The following SLC39A11 variants were observed in gnomAD, a reference collection of about 807,000 sequenced individuals.
The protein encoded by SLC39A11 is solute carrier family 39 member 11.
In SLC39A11, 33 loss-of-function variants were observed where a neutral mutation model predicts 36.1. The ratio of observed to expected loss-of-function variants is 0.91; its 90% CI spans 0.69 to 1.22. The LOEUF (loss-of-function observed/expected upper bound fraction) is 1.22. Ranked by LOEUF, SLC39A11 falls within the 50% of genes most tolerant of loss-of-function variation. SLC39A11 has a pLI of 0.00. For missense variants in SLC39A11, 432 were observed against 430.3 expected (o/e 1.00, Z -0.03); for synonymous variants, 166 against 170.3 (o/e 0.97, Z 0.20).
intron 4 of SLC39A11, among the ~76,000 whole-genome samples, chr17:73,021,951 G>T (rs761143312): frequency 2.4e-4 from 36 of 152,230 alleles, no homozygotes; most frequent in Non-Finnish European, 4.7e-4. Flanking sequence ...GTGCGTGTGT[G>T]TGTGCGCGCG....
intron 7 of SLC39A11, among the ~76,000 whole-genome samples, chr17:72,656,078 A>T (rs1316497748): frequency 6.6e-6 from 1 of 152,108 alleles, no homozygotes; most frequent in Non-Finnish European, 1.5e-5. Context: ...TTGGTGGGCC[A>T]TTCCCTCCCT....
intron 6 of SLC39A11, among the ~76,000 whole-genome samples, chr17:72,823,197 T>C (rs1172960953): frequency 6.6e-6 from 1 of 151,262 alleles, no homozygotes; most frequent in South Asian, 2.1e-4. Flanking sequence ...ACTACTTTCA[T>C]TGCAATCAGG....
chr17:72,840,546 G>A (rs1050141102), intron 6 of SLC39A11, among the ~76,000 whole-genome samples: 2 of 152,146 alleles, frequency 1.3e-5, no homozygotes, highest in Non-Finnish European at 2.9e-5. Context: ...ATCACCTGAG[G>A]TCAGGAGTTT....
chr17:72,778,563 A>C (rs898470003), intron 6 of SLC39A11, among the ~76,000 whole-genome samples: 2 of 152,256 alleles, frequency 1.3e-5, no homozygotes, highest in African/African-American at 4.8e-5. Context: ...TTTCAGAAAC[A>C]TTAATTACTG....
chr17:72,870,458 A>G (rs1359241179), intron 5 of SLC39A11, among the ~76,000 whole-genome samples: 1 of 152,198 alleles, frequency 6.6e-6, no homozygotes, highest in Non-Finnish European at 1.5e-5. Flanking sequence ...ACTGCTGAAA[A>G]CGGGTGCCCT....
chr17:72,832,127 A>G (rs2078310626), intron 6 of SLC39A11, among the ~76,000 whole-genome samples: 1 of 152,218 alleles, frequency 6.6e-6, no homozygotes, highest in Non-Finnish European at 1.5e-5. Context: ...TAACTACTGC[A>G]TTAGTAGACA....
At chr17:73,060,002 G>A (rs1037103972) in intron 3 of SLC39A11, among the ~76,000 whole-genome samples, 3 of 152,016 alleles carry the variant, frequency 2.0e-5, no homozygotes, top group South Asian at 2.1e-4. Flanking sequence ...CTGAGGTCAG[G>A]AGTTCAAGAC....
Position 72,797,277 on chromosome 17 carries a change from A to G in SLC39A11, c.601+52357T>C, listed in dbSNP as rs1192372251. ...GTAGCCATGTCCCTGAGGAATGCCA[A>G]CCCATCTATTCTACTGCTGGAGGCA... On this transcript the variant is annotated intron_variant, in intron 6 of 9. Transcript: ENST00000255559. Among the ~76,000 whole-genome samples, 4 of 152,214 alleles carry G rather than the reference A, an allele frequency of 2.6e-5. No homozygotes were observed. In the East Asian group the frequency reaches 7.7e-4, roughly 29 times the overall value.
intron 4 of SLC39A11, among the ~76,000 whole-genome samples, chr17:72,999,566 G>A (rs2089701885): frequency 6.6e-6 from 1 of 152,142 alleles, no homozygotes; most frequent in Non-Finnish European, 1.5e-5. Flanking sequence ...TTTCATACAC[G>A]TGTTTTGAGT....
intron 6 of SLC39A11, among the ~76,000 whole-genome samples, chr17:72,762,203 G>A (rs1301865946): frequency 6.6e-6 from 1 of 152,208 alleles, no homozygotes; most frequent in East Asian, 1.9e-4. Flanking sequence ...GATGAGATAG[G>A]AGGTTGGCAC....
chr17:72,784,546 A>G (rs1355833946), intron 6 of SLC39A11, among the ~76,000 whole-genome samples: 1 of 152,134 alleles, frequency 6.6e-6, no homozygotes, highest in East Asian at 1.9e-4. Context: ...CTCAAATATC[A>G]TGTTGAATTG....
chr17:73,059,181 C>G (rs1028403751), intron 3 of SLC39A11, among the ~76,000 whole-genome samples: 1 of 152,120 alleles, frequency 6.6e-6, no homozygotes, highest in Admixed American at 6.6e-5. Flanking sequence ...TATAGAGAAG[C>G]TGAATATATT....
chr17:72,783,004 C>CAAAAAAAA (rs34750819), intron 6 of SLC39A11, among the ~76,000 whole-genome samples: 2 of 81,008 alleles, frequency 2.5e-5, no homozygotes, highest in African/African-American at 1.3e-4. Context: ...TCTGTCTCAA[C>CAAAAAAAA]AAAAAAAAAA....
At chr17:72,703,878 A>G (rs1211604743) in intron 7 of SLC39A11, among the ~76,000 whole-genome samples, 1 of 152,262 alleles carries the variant, frequency 6.6e-6, no homozygotes, top group Non-Finnish European at 1.5e-5. Context: ...CTGTAATCCC[A>G]GCACTTCGGG....
chr17:72,658,077 A>T lies in SLC39A11; in HGVS notation c.672-8809T>A, dbSNP rs570079788. ...TGCTTTCTTGGGTAGGGACATAAAG[A>T]AACAATTCAGGCTGCTTAGGAAACC... is the stretch of plus-strand genomic sequence containing the variant. On this transcript the variant is annotated intron_variant, in intron 7 of 9. Coordinates refer to ENST00000255559, the MANE Select transcript of SLC39A11 (RefSeq NM_139177.4). Among the ~76,000 whole-genome samples the T allele has an allele frequency of 6.6e-5, 10 of 152,318 alleles. No individual in the cohort carries two copies. In the East Asian group the frequency reaches 1.9e-3, roughly 29 times the overall value.
chr17:72,673,416 G>A (rs2071105599), intron 7 of SLC39A11, among the ~76,000 whole-genome samples: 1 of 152,056 alleles, frequency 6.6e-6, no homozygotes, highest in African/African-American at 2.4e-5. Context: ...TTCTCTATTT[G>A]TATCTTCTTT....
intron 6 of SLC39A11, among the ~76,000 whole-genome samples, chr17:72,766,996 CACTTCTCCCCCA>C (rs1568055085): frequency 1.3e-5 from 2 of 152,144 alleles, no homozygotes; most frequent in Admixed American, 6.6e-5. Context: ...ATTCCAACCC[CACTTCTCCCCCA>C]ACTTCTCCCC....
intron 4 of SLC39A11, among the ~76,000 whole-genome samples, chr17:72,960,827 C>CA (rs144802846): frequency 0.053 from 7,544 of 141,800 alleles, 204 homozygotes; most frequent in Non-Finnish European, 0.065. Flanking sequence ...AAACAAACAA[C>CA]AAAAAAAAAA....
chr17:72,776,071 A>G (rs1002579015), intron 6 of SLC39A11, among the ~76,000 whole-genome samples: 2 of 152,230 alleles, frequency 1.3e-5, no homozygotes, highest in African/African-American at 4.8e-5. Flanking sequence ...AGATGGGCAG[A>G]CCCCCTGCTT....
Sources: allele counts gnomAD v4.1 joint callset (sites outside exome capture counted in the v4.1 genomes callset), GRCh38; gene constraint gnomAD v4.1.1; transcripts MANE v1.5; gene names NCBI Gene and HGNC (gene_info 2026-07-23, HGNC 2026-07-21).